The following MFSD11 variants were observed in gnomAD, a reference collection of about 807,000 sequenced individuals.
The protein encoded by MFSD11 is major facilitator superfamily domain containing 11, also known as UNC93-like protein MFSD11.
Under a neutral mutation model 53.5 loss-of-function variants are expected in MFSD11, and 36 were observed. The ratio of observed to expected loss-of-function variants is 0.67; its 90% CI spans 0.52 to 0.89. The LOEUF (loss-of-function observed/expected upper bound fraction) is 0.89. Ranked by LOEUF, MFSD11 falls within the 40% of genes least tolerant of loss-of-function variation. The pLI is 0.00. For missense variants in MFSD11, 530 were observed against 543.9 expected (o/e 0.97, Z 0.25); for synonymous variants, 186 against 184.9 (o/e 1.01, Z -0.05).
At chr17:76,738,804 C>G (rs750060124) in intron 1 of MFSD11, 134 bp from the exon 2 acceptor site, 1 of 693,784 alleles carries the variant, frequency 1.4e-6, no homozygotes, top group Non-Finnish European at 2.5e-6. Context: ...TTTCTTTTCT[C>G]ATAATGGACT....
At chr17:76,748,523 TA>T (rs551075064) in intron 7 of MFSD11, among the ~76,000 whole-genome samples, 469 of 139,798 alleles carry the variant, frequency 3.4e-3, no homozygotes, top group Middle Eastern at 0.011. Context: ...AGTCTCTACT[TA>T]AAAAAAAAAA....
At chr17:76,790,340 T>C in the MFSD11 span, among the ~76,000 whole-genome samples, 3 of 145,932 alleles carry the variant, frequency 2.1e-5, no homozygotes, top group Non-Finnish European at 3.0e-5. Context: ...CTCATATTTC[T>C]TTCTTTCTTT....
At chr17:76,759,339 G>T (rs2079965790) in intron 8 of MFSD11, among the ~76,000 whole-genome samples, 1 of 151,936 alleles carries the variant, frequency 6.6e-6, no homozygotes, top group Admixed American at 6.6e-5. Flanking sequence ...CTGGAGTGCA[G>T]TGGTTCTATC....
At chr17:76,765,452 C>CTTTTTTTTTT (rs59878271) in intron 8 of MFSD11, among the ~76,000 whole-genome samples, 5 of 91,470 alleles carry the variant, frequency 5.5e-5, no homozygotes, top group Non-Finnish European at 8.8e-5. Context: ...CTTGAATTTC[C>CTTTTTTTTTT]TTTTTTTTTT....
At chr17:76,744,223 G>A (rs1036589097) in intron 6 of MFSD11, 99 bp from the exon 7 acceptor site, 51 of 1,142,116 alleles carry the variant, frequency 4.5e-5, no homozygotes, top group Admixed American at 8.5e-5. Context: ...AAAATGTAAC[G>A]AGGAAGTGTG....
At chr17:76,752,272 G>T (rs2079118493) in intron 7 of MFSD11, among the ~76,000 whole-genome samples, 1 of 152,062 alleles carries the variant, frequency 6.6e-6, no homozygotes, top group African/African-American at 2.4e-5. Context: ...TCTAATGTTA[G>T]GCACTTCCTT....
At position 76,740,969 on chromosome 17, in the gene MFSD11, C is replaced by G; in HGVS notation, c.165C>G (p.Ile55Met). 1 of 1,551,698 alleles carries G rather than the reference C, an allele frequency of 6.4e-7. No individual in the cohort carries two copies. The change falls in exon 3 of 13, where the codon ATC (isoleucine) becomes ATG (methionine). Residue 55 changes from isoleucine (I) to methionine (M), a missense_variant. By Grantham distance (10) the Ile-to-Met change is conservative. Coordinates refer to ENST00000685175, the MANE Select transcript of MFSD11 (RefSeq NM_001242532.5). The stretch of plus-strand genomic sequence containing the variant: ...ATTATGTGTGCAGCATGGCTATTAT[C>G]TATGGAGTGTTCTCTGCTTCAAATT... ...HGSGYTSMAI[I>M]YGVFSASNLI...
the MFSD11 span, among the ~76,000 whole-genome samples, chr17:76,802,603 G>T: frequency 2.6e-5 from 4 of 152,180 alleles, no homozygotes; most frequent in Admixed American, 6.6e-5. Flanking sequence ...TGGAGGGCTG[G>T]GCACATGGCT....
At chr17:76,791,421 T>G in the MFSD11 span, among the ~76,000 whole-genome samples, 1 of 149,462 alleles carries the variant, frequency 6.7e-6, no homozygotes, top group Non-Finnish European at 1.5e-5. Context: ...TTAAATTGGT[T>G]TAGTTTTCTC....
intron 1 of MFSD11, 155 bp downstream of exon 1, chr17:76,738,603 C>T: frequency 3.1e-6 from 2 of 635,136 alleles, no homozygotes; most frequent in South Asian, 2.0e-5. Flanking sequence ...GGTTTGATTT[C>T]TTGTGTCAGA....
chr17:76,740,838 CTA>C, intron 2 of MFSD11, 117 bp from the exon 3 acceptor site: 4 of 638,342 alleles, frequency 6.3e-6, no homozygotes, highest in Admixed American at 2.8e-5. Context: ...TAAATTCTGA[CTA>C]AATAATATGA....
the MFSD11 span, among the ~76,000 whole-genome samples, chr17:76,795,818 T>C: frequency 7.2e-6 from 1 of 139,374 alleles, no homozygotes; most frequent in Non-Finnish European, 1.5e-5. Context: ...CACGCCCGGC[T>C]AATTTTTTTT....
chr17:76,767,329 ATGTT>A (rs2080939729), intron 8 of MFSD11, 53 bp from the exon 9 acceptor site: 1 of 1,060,864 alleles, frequency 9.4e-7, no homozygotes, highest in South Asian at 1.3e-5. Context: ...AAGTTTTAGA[ATGTT>A]TGTTTTATTA....
intron 11 of MFSD11, among the ~76,000 whole-genome samples, chr17:76,775,748 C>T (rs1451558163): frequency 2.0e-5 from 3 of 152,174 alleles, no homozygotes; most frequent in African/African-American, 7.2e-5. Context: ...GTTATTAGAA[C>T]ATTTCAGGTT....
chr17:76,757,222 G>A (rs1250957235), intron 8 of MFSD11, among the ~76,000 whole-genome samples: 1 of 152,192 alleles, frequency 6.6e-6, no homozygotes, highest in Admixed American at 6.5e-5. Flanking sequence ...TCTGTAAAAG[G>A]AGGCACTGAC....
chr17:76,737,423 C>A, upstream of MFSD11: 1 of 408,238 alleles, frequency 2.4e-6, no homozygotes. Flanking sequence ...ATTGGCCCAC[C>A]GCGCCCCGCT....
At chr17:76,772,299 C>T (rs2081435976) in intron 10 of MFSD11, among the ~76,000 whole-genome samples, 1 of 151,628 alleles carries the variant, frequency 6.6e-6, no homozygotes, top group Non-Finnish European at 1.5e-5. Flanking sequence ...GTGGCGTATG[C>T]CTGTCGTCCC....
chr17:76,775,284 G>C lies in MFSD11; in HGVS notation c.1049+113G>C, dbSNP rs1047879678. 1.3e-5 allele frequency: 12 copies of C among 897,996 alleles called. No homozygotes were observed. The East Asian group carries it at 2.4e-4, about 18-fold the overall frequency. 55.6% of individuals were successfully genotyped at this position (897,996 alleles called of 1,614,324 possible). A position where few individuals can be genotyped will look rare whatever the true frequency, so the allele number is the denominator to read the frequency against. The stretch of plus-strand genomic sequence containing the variant: ...TTCAGAGAGCCTGGTGTCTCTCTAA[G>C]GTCATCTGTCAAGTGTTCATGGAGT... On this transcript the variant is annotated intron_variant, in intron 11 of 12. Transcript: ENST00000685175.
chr17:76,775,613 G>A lies in MFSD11; in HGVS notation c.1049+442G>A, dbSNP rs566055987. Among the ~76,000 whole-genome samples the A allele has an allele frequency of 2.0e-5, 3 of 152,218 alleles. No individual in the cohort carries two copies. The East Asian group carries it at 5.8e-4, about 29-fold the overall frequency. ...CTCAACTCTCAAGTTCATTATAAACGCAGACATTTATGTCCAGCTCCACAA... is the reference window on the plus strand; with the variant it reads ...CTCAACTCTCAAGTTCATTATAAACACAGACATTTATGTCCAGCTCCACAA... On this transcript the variant is annotated intron_variant, in intron 11 of 12. Transcript: ENST00000685175.
Sources: allele counts gnomAD v4.1 joint callset (sites outside exome capture counted in the v4.1 genomes callset), GRCh38; gene constraint gnomAD v4.1.1; transcripts MANE v1.5; gene names NCBI Gene and HGNC (gene_info 2026-07-23, HGNC 2026-07-21).